The following TELO2 variants were observed in gnomAD, a reference collection of about 807,000 sequenced individuals.
The protein encoded by TELO2 is telomere length regulation protein TEL2 homolog.
In TELO2, 71 loss-of-function variants were observed where a neutral mutation model predicts 91.0. The observed-to-expected ratio is 0.78, with a 90% CI of 0.64 to 0.95. The LOEUF is 0.95. Among genes scored for constraint, TELO2 ranks in the 40% least tolerant of loss-of-function variants. TELO2 has a pLI of 0.00. For synonymous variants in TELO2, 584 were observed against 518.9 expected, an observed-to-expected ratio of 1.13 and a Z score of -1.71; for missense variants, 1,183 against 1,141.3, an observed-to-expected ratio of 1.04 and a Z score of -0.53.
chr16:1,495,413 GTGC>G lies in TELO2; in HGVS notation c.406_408del (p.Leu136del). The G allele has an allele frequency of 6.3e-7, 1 of 1,592,974 alleles. No homozygotes were observed. Among genetic ancestry groups the G allele is most frequent in the Non-Finnish European group, 8.5e-7 (1 of 1,170,700 alleles). ...ATTCCTGCGCGAGGGCCGGCTGGCA[GTGC>G]TGATGGAGGCGCAGTGTCGGCAGCA... On this transcript the variant is annotated inframe_deletion, in exon 3 of 21. Coordinates refer to ENST00000262319, the MANE Select transcript of TELO2 (RefSeq NM_016111.4).
chr16:1,507,833 ATG>A (rs1393565688), intron 20 of TELO2, 117 bp downstream of exon 20: 24 of 417,400 alleles, frequency 5.7e-5, no homozygotes, highest in African/African-American at 2.6e-4. Context: ...TGTGTGTGTG[ATG>A]TGTGTTGGCC....
At chr16:1,508,202 G>C (rs1488219238) in intron 20 of TELO2, among the ~76,000 whole-genome samples, 1 of 152,026 alleles carries the variant, frequency 6.6e-6, no homozygotes, top group African/African-American at 2.4e-5. Flanking sequence ...GCACAATCTT[G>C]GCTCACTGCG....
In TELO2 at chr16:1,501,845, G is replaced by A. The variant is rs1052615053; in HGVS notation, c.1472+72G>A. ...GCGAACCCCTCACACTCCAAGCTGCGGCCCCGTGGGGGGCTCCCTGCCTGC... is the reference window on the plus strand; with the variant it reads ...GCGAACCCCTCACACTCCAAGCTGCAGCCCCGTGGGGGGCTCCCTGCCTGC... On this transcript the variant is annotated intron_variant, in intron 11 of 20. Transcript: ENST00000262319. 8 of 1,510,302 alleles carry A rather than the reference G, an allele frequency of 5.3e-6. No homozygotes were observed. In the African/African-American group the frequency reaches 5.5e-5, roughly 10 times the overall value. 93.6% of individuals were successfully genotyped at this position (1,510,302 alleles called of 1,614,324 possible). A position where few individuals can be genotyped will look rare whatever the true frequency, so the allele number is the denominator to read the frequency against.
Position 1,500,159 on chromosome 16 carries a change from C to T in TELO2, c.997C>T (p.Leu333=). 1 of 1,604,440 alleles carries T rather than the reference C, an allele frequency of 6.2e-7. No individual in the cohort carries two copies. Among genetic ancestry groups the T allele is most frequent in the African/African-American group, 1.3e-5 (1 of 74,976 alleles). Residue 333 remains leucine, a synonymous_variant, in exon 7 of 21, where the codon CTG becomes TTG. Transcript: ENST00000262319. ...AMDSQRRPLL[L]QVLKELLETW... ...GGACAGCCAGCGGCGCCCGCTCCTGCTGCAGGTACGTGCCTCCTGGCTCTC... is the reference window on the plus strand; with the variant it reads ...GGACAGCCAGCGGCGCCCGCTCCTGTTGCAGGTACGTGCCTCCTGGCTCTC...
intron 6 of TELO2, among the ~76,000 whole-genome samples, chr16:1,499,576 A>G (rs2039603707): frequency 8.6e-6 from 1 of 116,306 alleles, no homozygotes; most frequent in Admixed American, 1.2e-4. Flanking sequence ...CACCCGCCCT[A>G]GCTGCGTTCT....
In TELO2 at chr16:1,494,882, G is replaced by A. The variant is rs1267963648; in HGVS notation, c.335+266G>A. 2.0e-5 allele frequency among the ~76,000 whole-genome samples: 3 copies of A among 152,214 alleles called. No homozygotes were observed. Among genetic ancestry groups the A allele is most frequent in the Admixed American group, 6.5e-5 (1 of 15,282 alleles). ...GGTGGGAGTGTTCACATCCCAGGCG[G>A]CAGAGGCAGCCCGTCAGCTGGGGAC... On this transcript the variant is annotated intron_variant, in intron 2 of 20. Transcript: ENST00000262319. The surrounding 1 kb of genome is among the most constrained non-coding windows in gnomAD (Gnocchi z 5.6).
At position 1,506,240 on chromosome 16, in the gene TELO2, T is replaced by C; in HGVS notation, c.2037T>C (p.Gly679=). 6.2e-7 allele frequency: 1 copy of C among 1,613,492 alleles called. No homozygotes were observed. Among genetic ancestry groups the C allele is most frequent in the Non-Finnish European group, 8.5e-7 (1 of 1,179,958 alleles). Residue 679 remains glycine (G), a splice_region_variant and synonymous_variant, in exon 17 of 21, where the codon GGT becomes GGC. Transcript: ENST00000262319. ...IRSKTQRLSK[G]GPRQGPAGSP... ...ATCGCTGTAGTTGTGTCTGGCAGGG[T>C]GGCCCGAGGCAGGGCCCGGCAGGCA...
In TELO2 at chr16:1,505,654, G is replaced by GGA; in HGVS notation, c.2034+53_2034+54insGA. 1.5e-5 allele frequency: 10 copies of GGA among 666,564 alleles called. No individual in the cohort carries two copies. The highest frequency in any genetic ancestry group is 2.1e-5 in the Non-Finnish European group (8 of 378,970). The allele number at this position is 666,564 out of a possible 1,614,324, so 41.3% of individuals were successfully genotyped here. On this transcript the variant is annotated intron_variant, in intron 16 of 20. Transcript: ENST00000262319. The surrounding 1 kb of genome is among the most constrained non-coding windows in gnomAD (Gnocchi z 4.3). ...GGGCATGGGGACCGTGGGTGGGTGG[G>GGA]AAGGGCGGTCAGACACCTCCAGGCG...
intron 3 of TELO2, among the ~76,000 whole-genome samples, chr16:1,496,791 C>G (rs543585565): frequency 6.6e-6 from 1 of 152,348 alleles, no homozygotes; most frequent in African/African-American, 2.4e-5. Flanking sequence ...TCCCGACCTC[C>G]TACACCATCG....
In TELO2 at chr16:1,507,327, G is replaced by A; in HGVS notation, c.2248G>A (p.Ala750Thr). The change falls in exon 19 of 21, where the codon GCC (alanine) becomes ACC (threonine). Residue 750 changes from alanine (A) to threonine (T), a missense_variant. Transcript: ENST00000262319. ...CCAGGTGGCTGTGGCCATGGGCAAG[G>A]CCCTGCTGGAATTCGTGTGGGCCCT... ...NTTVAVAMGK[A>T]LLEFVWALRF... 5 of 1,610,408 alleles carry A rather than the reference G, an allele frequency of 3.1e-6. No individual in the cohort carries two copies. The highest frequency in any genetic ancestry group is 3.4e-6 in the Non-Finnish European group (4 of 1,179,910).
chr16:1,506,000 T>C lies in TELO2; in HGVS notation c.2035-238T>C, dbSNP rs112634569. ...CCTCCCCAGGACGCTCCTCCAGCCT[T>C]GAATGTCCTGCCTGCAAGTTCGGGA... On this transcript the variant is annotated intron_variant, in intron 16 of 20. Transcript: ENST00000262319. This position sits in a 1 kb window ranked among gnomAD's most constrained non-coding sequence, Gnocchi z 4.3. Among the ~76,000 whole-genome samples the C allele has an allele frequency of 1.4e-4, 22 of 152,308 alleles. No individual in the cohort carries two copies. The highest frequency in any genetic ancestry group is 4.8e-4 in the African/African-American group (20 of 41,576).
rs201399424 is a variant in TELO2, at chr16:1,495,612, A to T, written c.602A>T (p.Asp201Val). The T allele has an allele frequency of 2.5e-6, 4 of 1,598,760 alleles. No individual in the cohort carries two copies. Among genetic ancestry groups the T allele is most frequent in the Admixed American group, 1.7e-5 (1 of 59,636 alleles). Residue 201 changes from aspartate (D) to valine (V), a missense_variant, in exon 3 of 21, where the codon GAC (aspartate) becomes GTC (valine). By Grantham distance (152) the Asp-to-Val change is radical (BLOSUM62 -3). Transcript: ENST00000262319. ...GTCCGGGTGCTGCAGGCGGTTGTGG[A>T]CTCTCTCCAAGGTGAGGCCCTGCCT... is the stretch of plus-strand genomic sequence containing the variant. Reference protein sequence around the residue: ...EVVRVLQAVVDSLQGGLDSSV... With the variant: ...EVVRVLQAVVVSLQGGLDSSV...
Position 1,494,173 on chromosome 16 carries a change from C to T in TELO2, c.-36-73C>T. On this transcript the variant is annotated intron_variant, in intron 1 of 20. Transcript: ENST00000262319. This position sits in a 1 kb window ranked among gnomAD's most constrained non-coding sequence, Gnocchi z 5.6. The stretch of plus-strand genomic sequence containing the variant: ...TTGAGGGGTGTGGGGTCTCGGGGCG[C>T]TCACCGAGGGGCTTCCTGAGCTTGT... 1 of 1,087,518 alleles carries T rather than the reference C, an allele frequency of 9.2e-7. No homozygotes were observed. Among genetic ancestry groups the T allele is most frequent in the Non-Finnish European group, 1.3e-6 (1 of 758,264 alleles). 67.4% of individuals were successfully genotyped at this position (1,087,518 alleles called of 1,614,324 possible). A position where few individuals can be genotyped will look rare whatever the true frequency, so the allele number is the denominator to read the frequency against.
intron 20 of TELO2, among the ~76,000 whole-genome samples, chr16:1,508,199 C>T (rs1042062856): frequency 3.9e-5 from 6 of 152,058 alleles, no homozygotes; most frequent in Non-Finnish European, 7.4e-5. Flanking sequence ...GTGGCACAAT[C>T]TTGGCTCACT....
intron 13 of TELO2, 21 bp downstream of exon 13, chr16:1,502,425 G>C: frequency 2.5e-6 from 4 of 1,576,368 alleles, no homozygotes; most frequent in Non-Finnish European, 3.4e-6. Context: ...GGCGGGAGTG[G>C]GTGGGGAGGC....
intron 15 of TELO2, among the ~76,000 whole-genome samples, chr16:1,504,668 C>T (rs1451609182): frequency 2.0e-5 from 3 of 149,586 alleles, no homozygotes; most frequent in African/African-American, 7.4e-5. Context: ...CGCCATTCTC[C>T]TGCCTCAGCC....
chr16:1,495,703 G>T lies in TELO2; in HGVS notation c.613+80G>T, dbSNP rs985426303. 8.0e-6 allele frequency: 12 copies of T among 1,501,164 alleles called. No homozygotes were observed. The South Asian group carries it at 1.6e-4, about 20-fold the overall frequency. The allele number at this position is 1,501,164 out of a possible 1,614,324, so 93.0% of individuals were successfully genotyped here. A position where few individuals can be genotyped will look rare whatever the true frequency, so the allele number is the denominator to read the frequency against. Reference sequence around the variant, plus strand: ...CCCTGCCACCCTCTGGTGCCTCACGGCCTCTGGAGACTTTGGAGTCTCTGG... The same window carrying T: ...CCCTGCCACCCTCTGGTGCCTCACGTCCTCTGGAGACTTTGGAGTCTCTGG... On this transcript the variant is annotated intron_variant, in intron 3 of 20. Coordinates refer to ENST00000262319, the MANE Select transcript of TELO2 (RefSeq NM_016111.4).
intron 11 of TELO2, 84 bp from the exon 12 acceptor site, chr16:1,501,963 G>A: frequency 6.4e-7 from 1 of 1,573,682 alleles, no homozygotes; most frequent in African/African-American, 1.3e-5. Context: ...CCGCATCTTG[G>A]GGAGGAGAGA....
chr16:1,497,206 G>T lies in TELO2; in HGVS notation c.682+102G>T. 6.5e-7 allele frequency: 1 copy of T among 1,540,226 alleles called. No homozygotes were observed. On this transcript the variant is annotated intron_variant, in intron 4 of 20. Transcript: ENST00000262319. This position sits in a 1 kb window ranked among gnomAD's most constrained non-coding sequence, Gnocchi z 4.0. The stretch of plus-strand genomic sequence containing the variant: ...TCCCTCCTGACCCTGGCCCTCTGCA[G>T]GGTCCCCTTGCCCGGTCCTGTCCTG...
Sources: allele counts gnomAD v4.1 joint callset (sites outside exome capture counted in the v4.1 genomes callset), GRCh38; gene constraint gnomAD v4.1.1; non-coding constraint Gnocchi (gnomAD v3.1); transcripts MANE v1.5; gene names NCBI Gene and HGNC (gene_info 2026-07-23, HGNC 2026-07-21).